The following ARRB1 variants were observed in gnomAD, a reference collection of about 807,000 sequenced individuals.
ARRB1 encodes beta-arrestin-1.
A neutral mutation model predicts 56.8 loss-of-function variants in ARRB1; 21 were observed. The ratio of observed to expected loss-of-function variants is 0.37; its 90% confidence interval spans 0.26 to 0.53. ARRB1 has a LOEUF of 0.53. ARRB1 is among the 20% of genes least tolerant of loss of function. The pLI, the probability that ARRB1 is intolerant of heterozygous loss-of-function variation, is 0.88. For synonymous variants in ARRB1, 210 were observed against 218.6 expected (o/e 0.96, Z 0.35); for missense variants, 424 against 553.7 (o/e 0.77, Z 2.35).
intron 1 of ARRB1, among the ~76,000 whole-genome samples, chr11:75,331,368 A>G (rs960803253): frequency 6.6e-6 from 1 of 152,022 alleles, no homozygotes; most frequent in African/African-American, 2.4e-5. Context: ...CTGGGGAGTC[A>G]TCTTCTACAA....
At chr11:75,296,242 A>ATG (rs1290422293) in intron 1 of ARRB1, among the ~76,000 whole-genome samples, 1 of 151,846 alleles carries the variant, frequency 6.6e-6, no homozygotes, top group Non-Finnish European at 1.5e-5. Flanking sequence ...TTTCAGGTGA[A>ATG]TGTGTGTGTA....
At chr11:75,296,185 CAAAAAAAAAAAA>C (rs11428462) in intron 1 of ARRB1, among the ~76,000 whole-genome samples, 2 of 84,886 alleles carry the variant, frequency 2.4e-5, no homozygotes, top group Non-Finnish European at 4.3e-5. Flanking sequence ...GACTTTGTCT[CAAAAAAAAAAAA>C]AAAAAAAAAA....
Position 75,262,478 on chromosome 11 carries a change from C to T in ARRB1, c.*3685G>A, listed in dbSNP as rs1423396361. The T allele has an allele frequency of 6.6e-6, 1 of 152,218 alleles. No individual in the cohort carries two copies. Among genetic ancestry groups the T allele is most frequent in the African/African-American group, 2.4e-5 (1 of 41,450 alleles). The allele number at this position is 152,218 out of a possible 1,614,324, so 9.4% of individuals were successfully genotyped here. A position where few individuals can be genotyped will look rare whatever the true frequency, so the allele number is the denominator to read the frequency against. On this transcript the variant is annotated 3_prime_UTR_variant, in exon 16 of 16. Transcript: ENST00000420843. ...GTATCTCATTCTGGTTGACATCTGC[C>T]TAAGTGAGAAGCAGGGCAAGCGATG...
chr11:75,311,296 G>A (rs914790944), intron 1 of ARRB1, among the ~76,000 whole-genome samples: 1 of 152,138 alleles, frequency 6.6e-6, no homozygotes, highest in East Asian at 1.9e-4. Flanking sequence ...AGATGGTGCC[G>A]TTGCACTCCA....
intron 1 of ARRB1, 25 bp downstream of exon 1, chr11:75,351,563 C>A (rs1164717107): frequency 3.4e-5 from 51 of 1,498,628 alleles, no homozygotes; most frequent in Non-Finnish European, 4.5e-5. Context: ...ACGCGCCCCC[C>A]GCCGGGCGGC....
In ARRB1 at chr11:75,262,720, G is replaced by C. The variant is rs574813776; in HGVS notation, c.*3443C>G. The stretch of plus-strand genomic sequence containing the variant: ...AGGGAAATTGAGCCCCAGAGGTTGA[G>C]TAGCTTGCCCAAGCCCCCCAGGTGG... On this transcript the variant is annotated 3_prime_UTR_variant, in exon 16 of 16. Coordinates refer to ENST00000420843, the MANE Select transcript of ARRB1 (RefSeq NM_004041.5). Among the ~76,000 whole-genome samples the C allele has an allele frequency of 6.6e-6, 1 of 152,346 alleles. No individual in the cohort carries two copies. Among genetic ancestry groups the C allele is most frequent in the Non-Finnish European group, 1.5e-5 (1 of 68,026 alleles).
intron 1 of ARRB1, among the ~76,000 whole-genome samples, chr11:75,333,378 GCTTCT>G (rs1947550086): frequency 6.6e-6 from 1 of 152,224 alleles, no homozygotes; most frequent in Admixed American, 6.5e-5. Flanking sequence ...GCCCAGTGCA[GCTTCT>G]TGCCAACCAG....
chr11:75,316,665 C>A (rs1313166911), intron 1 of ARRB1, among the ~76,000 whole-genome samples: 1 of 152,068 alleles, frequency 6.6e-6, no homozygotes, highest in African/African-American at 2.4e-5. Context: ...CCCTGTAATC[C>A]CAGCAACTCA....
chr11:75,267,758 G>A (rs879896663), intron 14 of ARRB1, 55 bp from the exon 15 acceptor site: 46 of 1,534,868 alleles, frequency 3.0e-5, no homozygotes, highest in Middle Eastern at 2.3e-4. Context: ...GGATGAGCAC[G>A]GGGCGAGTAA....
At chr11:75,293,301 GA>G (rs1946650796) in intron 1 of ARRB1, among the ~76,000 whole-genome samples, 1 of 152,136 alleles carries the variant, frequency 6.6e-6, no homozygotes, top group African/African-American at 2.4e-5. Context: ...CAGAGATGAG[GA>G]AATTGAGTCT....
In ARRB1 at chr11:75,278,633, G is replaced by A. The variant is rs1409185222; in HGVS notation, c.594C>T (p.His198=). The change falls in exon 8 of 16, where the codon CAC becomes CAT. Residue 198 remains histidine, a synonymous_variant. Transcript: ENST00000420843. ...RQFLMSDKPL[H]LEASLDKEIY... ...CCTCCTTATCCAGAGAGGCTTCTAG[G>A]TGCAAGGGCTTGTCCGACATGAGGA... is the stretch of plus-strand genomic sequence containing the variant. 7.4e-6 allele frequency: 12 copies of A among 1,614,074 alleles called. No individual in the cohort carries two copies. Among genetic ancestry groups the A allele is most frequent in the Non-Finnish European group, 1.0e-5 (12 of 1,180,038 alleles).
At chr11:75,297,958 T>G (rs1946801413) in intron 1 of ARRB1, among the ~76,000 whole-genome samples, 1 of 144,430 alleles carries the variant, frequency 6.9e-6, no homozygotes, top group South Asian at 2.2e-4. Context: ...AAACGTTAAG[T>G]GTAAGTCTTC....
At chr11:75,282,417 A>T (rs1297506546) in intron 5 of ARRB1, among the ~76,000 whole-genome samples, 1 of 152,226 alleles carries the variant, frequency 6.6e-6, no homozygotes, top group Non-Finnish European at 1.5e-5. Flanking sequence ...TGGGCCTAGT[A>T]TAATCACAAG....
chr11:75,279,810 G>A (rs1005659302), intron 7 of ARRB1, among the ~76,000 whole-genome samples: 1 of 152,158 alleles, frequency 6.6e-6, no homozygotes, highest in African/African-American at 2.4e-5. Flanking sequence ...TGGGGTTACA[G>A]GCATATGCCA....
Position 75,315,207 on chromosome 11 carries a change from T to A in ARRB1, c.21-25168A>T, listed in dbSNP as rs529753043. On this transcript the variant is annotated intron_variant, in intron 1 of 15. Transcript: ENST00000420843. Reference sequence around the variant, plus strand: ...CAGTCACCCTTGACACAGCTTCCAGTGCTCGGCCTCCTCCCAGTTCCTCAA... The same window carrying A: ...CAGTCACCCTTGACACAGCTTCCAGAGCTCGGCCTCCTCCCAGTTCCTCAA... 6.6e-5 allele frequency among the ~76,000 whole-genome samples: 10 copies of A among 152,194 alleles called. No homozygotes were observed. In the South Asian group the frequency reaches 2.1e-3, roughly 32 times the overall value.
rs1255541711 is a variant in ARRB1 at position 75,261,968 on chromosome 11, C to A, written c.*4195G>T. The stretch of plus-strand genomic sequence containing the variant: ...GTGGAGAGCAACCAGTCCCCAGTGA[C>A]AGGCAGGAGAGAAGCTGCCGCTCTG... On this transcript the variant is annotated 3_prime_UTR_variant, in exon 16 of 16. Coordinates refer to ENST00000420843, the MANE Select transcript of ARRB1 (RefSeq NM_004041.5). 3.3e-5 allele frequency: 5 copies of A among 152,200 alleles called. No individual in the cohort carries two copies. Among genetic ancestry groups the A allele is most frequent in the African/African-American group, 1.2e-4 (5 of 41,436 alleles). 9.4% of individuals were successfully genotyped at this position (152,200 alleles called of 1,614,324 possible).
At chr11:75,276,934 G>A (rs529588226) in intron 9 of ARRB1, 23 bp from the exon 10 acceptor site, 4 of 1,612,788 alleles carry the variant, frequency 2.5e-6, no homozygotes, top group Non-Finnish European at 8.5e-7. Context: ...AGGAATCAAG[G>A]TGGAGTGAGT....
At position 75,276,924 on chromosome 11, in the gene ARRB1, A is replaced by G; in HGVS notation, c.704-13T>C. The G allele has an allele frequency of 6.2e-7, 1 of 1,613,820 alleles. No individual in the cohort carries two copies. Among genetic ancestry groups the G allele is most frequent in the East Asian group, 2.2e-5 (1 of 44,888 alleles). On this transcript the variant is annotated splice_polypyrimidine_tract_variant and intron_variant, in intron 9 of 15. Transcript: ENST00000420843. ...GCATACTGGCGCACTAGGGAGGGAG[A>G]GGAATCAAGGTGGAGTGAGTCGGGA...
intron 1 of ARRB1, chr11:75,306,601 G>A: frequency 7.8e-7 from 1 of 1,289,062 alleles, no homozygotes; most frequent in Non-Finnish European, 1.0e-6. Flanking sequence ...GAAGAGGCCA[G>A]CCCAGAAGCA....
Sources: gnomAD v4.1 joint callset for allele counts (sites outside exome capture counted in the v4.1 genomes callset) on GRCh38, gnomAD v4.1.1 for gene constraint, MANE v1.5 for transcripts, NCBI Gene and HGNC (gene_info 2026-07-23, HGNC 2026-07-21) for gene names.